Variants in CERKL observed in about 807,000 individuals in gnomAD.
The protein encoded by CERKL is ceramide kinase-like protein.
Under a neutral mutation model 63.4 loss-of-function variants are expected in CERKL, and 61 were observed. That is an observed-to-expected ratio of 0.96 (90% confidence interval 0.78 to 1.19). The LOEUF (loss-of-function observed/expected upper bound fraction) is 1.19, where lower values mean the gene tolerates loss of function less well. Ranked by LOEUF, CERKL falls within the 50% of genes most tolerant of loss-of-function variation. CERKL has a pLI of 0.00. For missense variants in CERKL, 675 were observed against 655.5 expected (o/e 1.03, Z -0.33); for synonymous variants, 250 against 230.5 (o/e 1.08, Z -0.77).
At chr2:181,600,083 G>A (rs992964224) in intron 2 of CERKL, among the ~76,000 whole-genome samples, 8 of 152,146 alleles carry the variant, frequency 5.3e-5, no homozygotes, top group East Asian at 1.9e-4. Context: ...TGCCAGCCAA[G>A]AATTTCATAA....
chr2:181,627,388 A>G (rs1446318746), intron 1 of CERKL, among the ~76,000 whole-genome samples: 1 of 152,228 alleles, frequency 6.6e-6, no homozygotes, highest in Non-Finnish European at 1.5e-5. Flanking sequence ...GAAAAGAATG[A>G]AAAGATATCA....
At chr2:181,548,000 C>T in intron 8 of CERKL, 153 bp from the exon 9 acceptor site, 3 of 650,290 alleles carry the variant, frequency 4.6e-6, no homozygotes, top group Non-Finnish European at 7.7e-6. Flanking sequence ...TAAAAACGTA[C>T]AATTTTGTTG....
At chr2:181,599,658 T>C (rs914447179) in intron 2 of CERKL, among the ~76,000 whole-genome samples, 1 of 151,614 alleles carries the variant, frequency 6.6e-6, no homozygotes, top group Non-Finnish European at 1.5e-5. Flanking sequence ...TAGACAAACA[T>C]AAAGAATCTG....
chr2:181,600,868 A>G (rs1447884923), intron 2 of CERKL, among the ~76,000 whole-genome samples: 1 of 152,212 alleles, frequency 6.6e-6, no homozygotes, highest in Admixed American at 6.5e-5. Context: ...CCTGACAGAC[A>G]TCTGCAGAAT....
rs984100720 is a variant in CERKL at position 181,558,927 on chromosome 2, A to G, written c.678-219T>C. 3.9e-5 allele frequency among the ~76,000 whole-genome samples: 6 copies of G among 152,206 alleles called. No individual in the cohort carries two copies. Among genetic ancestry groups the G allele is most frequent in the Admixed American group, 3.9e-4 (6 of 15,266 alleles). On this transcript the variant is annotated intron_variant, in intron 4 of 12. Transcript: ENST00000410087. This position sits in a 1 kb window ranked among gnomAD's most constrained non-coding sequence, Gnocchi z 4.2. Reference sequence around the variant, plus strand: ...ATATAATAACTAGATAATTCCCCATAGACAAAATAGCTTTAAGTGTGTTAA... The same window carrying G: ...ATATAATAACTAGATAATTCCCCATGGACAAAATAGCTTTAAGTGTGTTAA...
At chr2:181,544,323 C>T (rs1414244054) in intron 11 of CERKL, among the ~76,000 whole-genome samples, 1 of 152,154 alleles carries the variant, frequency 6.6e-6, no homozygotes, top group East Asian at 1.9e-4. Context: ...AAGATCATAA[C>T]TTTAGAAAGT....
At chr2:181,561,691 A>G (rs1335047962) in intron 4 of CERKL, among the ~76,000 whole-genome samples, 4 of 152,148 alleles carry the variant, frequency 2.6e-5, no homozygotes, top group Admixed American at 6.6e-5. Flanking sequence ...ATACCTTTTA[A>G]GGTCTGATAA....
In CERKL at chr2:181,615,933, G is replaced by A. The variant is rs142932316; in HGVS notation, c.239-11854C>T. Among the ~76,000 whole-genome samples, 1,097 of 152,118 alleles carry A rather than the reference G, an allele frequency of 7.2e-3. 13 individuals carry two copies. Among genetic ancestry groups the A allele is most frequent in the African/African-American group, 0.025 (1,046 of 41,494 alleles). On this transcript the variant is annotated intron_variant, in intron 1 of 12. Coordinates refer to ENST00000410087, the MANE Select transcript of CERKL (RefSeq NM_201548.5). ...ACATACATATATCAAGAGTTACAAC[G>A]AAGTAGGCTTCTTATCTAGTAAAAG...
At chr2:181,562,268 C>T (rs546175298) in intron 4 of CERKL, among the ~76,000 whole-genome samples, 11 of 152,172 alleles carry the variant, frequency 7.2e-5, no homozygotes, top group Non-Finnish European at 1.2e-4. Context: ...GATATCCCGC[C>T]TCTCTGGGCC....
At position 181,647,726 on chromosome 2, in the gene CERKL, C is replaced by T. The variant is rs190107017; in HGVS notation, c.238+9043G>A. On this transcript the variant is annotated intron_variant, in intron 1 of 12. Coordinates refer to ENST00000410087, the MANE Select transcript of CERKL (RefSeq NM_201548.5). Reference sequence around the variant, plus strand: ...AAAAAGCAAGGACACACGACACTGCCAAAGGAACACAGTGAGTCTCTAGTA... The same window carrying T: ...AAAAAGCAAGGACACACGACACTGCTAAAGGAACACAGTGAGTCTCTAGTA... Among the ~76,000 whole-genome samples the T allele has an allele frequency of 4.6e-5, 7 of 151,956 alleles. No homozygotes were observed. The South Asian group carries it at 1.5e-3, about 32-fold the overall frequency.
In CERKL at chr2:181,537,821, T is replaced by C. The variant is rs576839214; in HGVS notation, c.*363A>G. 7 of 477,618 alleles carry C rather than the reference T, an allele frequency of 1.5e-5. No individual in the cohort carries two copies. Among genetic ancestry groups the C allele is most frequent in the Admixed American group, 2.3e-5 (1 of 43,288 alleles). 29.6% of individuals were successfully genotyped at this position (477,618 alleles called of 1,614,324 possible). ...TGACTTTTAAAGCCCTAGAGGCTAATTGTTAGTAACATCAATTTCTATTAG... is the reference window on the plus strand; with the variant it reads ...TGACTTTTAAAGCCCTAGAGGCTAACTGTTAGTAACATCAATTTCTATTAG... On this transcript the variant is annotated 3_prime_UTR_variant, in exon 13 of 13. Coordinates refer to ENST00000410087, the MANE Select transcript of CERKL (RefSeq NM_201548.5).
chr2:181,553,754 A>G (rs962448747), intron 5 of CERKL, among the ~76,000 whole-genome samples: 6 of 152,188 alleles, frequency 3.9e-5, no homozygotes, highest in African/African-American at 1.4e-4. Context: ...TAGTCTTTAA[A>G]TGTGGTTTTT....
chr2:181,644,098 A>T (rs140906709), intron 1 of CERKL, among the ~76,000 whole-genome samples: 74 of 152,372 alleles, frequency 4.9e-4, no homozygotes, highest in African/African-American at 1.7e-3. Context: ...CTAAGGGCTA[A>T]ATCATGAAAT....
intron 1 of CERKL, among the ~76,000 whole-genome samples, chr2:181,625,437 T>C (rs80241505): frequency 0.018 from 2,741 of 152,184 alleles, 95 homozygotes; most frequent in African/African-American, 0.062. Context: ...AATAGTTCTA[T>C]AAGGTAGAAA....
At chr2:181,573,649 G>A (rs981953551) in intron 3 of CERKL, 104 bp downstream of exon 3, 17 of 963,472 alleles carry the variant, frequency 1.8e-5, no homozygotes, top group Non-Finnish European at 2.6e-5. Flanking sequence ...AAATGCTATA[G>A]ATATTACAAG....
intron 1 of CERKL, among the ~76,000 whole-genome samples, chr2:181,616,291 G>T (rs951143148): frequency 2.8e-5 from 4 of 141,006 alleles, no homozygotes; most frequent in Non-Finnish European, 4.5e-5. Context: ...TTGGCTCACT[G>T]CAAGCTCCGC....
At chr2:181,592,001 G>C (rs1187076335) in intron 2 of CERKL, among the ~76,000 whole-genome samples, 2 of 152,126 alleles carry the variant, frequency 1.3e-5, no homozygotes, top group African/African-American at 4.8e-5. Flanking sequence ...CAAATTGATG[G>C]AAACAGGTTG....
intron 2 of CERKL, among the ~76,000 whole-genome samples, chr2:181,579,908 C>T (rs68174413): frequency 0.25 from 38,071 of 151,610 alleles, 5,404 homozygotes; most frequent in African/African-American, 0.36. Context: ...GTTTGGATCT[C>T]TTTCTGCACT....
Position 181,539,188 on chromosome 2 carries a change from T to G in CERKL, c.1442A>C (p.Asn481Thr). The G allele has an allele frequency of 8.1e-6, 13 of 1,605,334 alleles. No individual in the cohort carries two copies. The highest frequency in any genetic ancestry group is 1.1e-5 in the Non-Finnish European group (13 of 1,172,182). Residue 481 changes from asparagine (N) to threonine (T), a missense_variant, in exon 12 of 13, where the codon AAT becomes ACT. By Grantham distance (65) the Asn-to-Thr change is moderately conservative (BLOSUM62 0). Transcript: ENST00000410087. The stretch of plus-strand genomic sequence containing the variant: ...AGTTTCATCCTCCTCCTCCTCTGGA[T>G]TATATCCACCAGTATTATTCCTTGG... ...VHPRNNTGGY[N>T]PEEEEDETAS...
Sources: allele counts gnomAD v4.1 joint callset (sites outside exome capture counted in the v4.1 genomes callset), GRCh38; gene constraint gnomAD v4.1.1; non-coding constraint Gnocchi (gnomAD v3.1); transcripts MANE v1.5; gene names NCBI Gene and HGNC (gene_info 2026-07-23, HGNC 2026-07-21).